Variants in POU6F2 observed in about 807,000 individuals in gnomAD.
The protein encoded by POU6F2 is POU class 6 homeobox 2, also known as POU domain, class 6, transcription factor 2.
Under a neutral mutation model 71.3 loss-of-function variants are expected in POU6F2, and 31 were observed. The ratio of observed to expected loss-of-function variants is 0.43; its 90% CI spans 0.33 to 0.59. POU6F2 has a LOEUF of 0.59. Among genes scored for constraint, POU6F2 ranks in the 20% least tolerant of loss-of-function variants. The pLI is 0.04. For synonymous variants in POU6F2, 347 were observed against 355.7 expected (o/e 0.98, Z 0.27); for missense variants, 783 against 856.8 (o/e 0.91, Z 1.07).
At chr7:39,457,237 T>G (rs867637701) in intron 8 of POU6F2, among the ~76,000 whole-genome samples, 1 of 152,198 alleles carries the variant, frequency 6.6e-6, no homozygotes, top group South Asian at 2.1e-4. Flanking sequence ...TGTGCCAGTG[T>G]CTGGTGGCAA....
intron 4 of POU6F2, among the ~76,000 whole-genome samples, chr7:39,280,621 A>G (rs1023791287): frequency 6.6e-6 from 1 of 152,340 alleles, no homozygotes; most frequent in Non-Finnish European, 1.5e-5. Context: ...CTCATAGGTA[A>G]TTTAAGGGGG....
At position 39,158,557 on chromosome 7, in the gene POU6F2, GA is replaced by G. The variant is rs538195581; in HGVS notation, c.278-45676del. Among the ~76,000 whole-genome samples the G allele has an allele frequency of 8.5e-3, 1,290 of 152,296 alleles. 13 individuals carry two copies. The highest frequency in any genetic ancestry group is 0.015 in the Non-Finnish European group (1,041 of 68,020). On this transcript the variant is annotated intron_variant, in intron 2 of 9. Transcript: ENST00000518318. ...GTGGCATCACTCTCGGTCTGAGGCT[GA>G]AGGCCTGAGAACTGGGAAACAGCAT...
At chr7:39,306,615 T>C (rs1335412264) in intron 4 of POU6F2, among the ~76,000 whole-genome samples, 2 of 152,178 alleles carry the variant, frequency 1.3e-5, no homozygotes, top group Non-Finnish European at 2.9e-5. Context: ...ATTATTGCCT[T>C]CGAGTTTTTA....
intron 2 of POU6F2, among the ~76,000 whole-genome samples, chr7:39,154,689 C>T (rs1190298207): frequency 3.3e-5 from 5 of 152,062 alleles, no homozygotes; most frequent in African/African-American, 4.8e-5. Flanking sequence ...TGTATATAGG[C>T]TCTGTGGGTG....
At chr7:39,125,227 G>T (rs190638315) in intron 2 of POU6F2, among the ~76,000 whole-genome samples, 2 of 152,282 alleles carry the variant, frequency 1.3e-5, no homozygotes, top group East Asian at 3.9e-4. Context: ...TGAACTATGT[G>T]TTTGTGAGGT....
intron 4 of POU6F2, among the ~76,000 whole-genome samples, chr7:39,310,369 T>C (rs1196623310): frequency 6.6e-6 from 1 of 152,194 alleles, no homozygotes; most frequent in Non-Finnish European, 1.5e-5. Context: ...CTTATTGATT[T>C]ATACACAAAT....
intron 2 of POU6F2, among the ~76,000 whole-genome samples, chr7:39,120,141 G>T (rs1214239222): frequency 6.6e-6 from 1 of 152,162 alleles, no homozygotes; most frequent in African/African-American, 2.4e-5. Flanking sequence ...GATAAATTCA[G>T]TTCTATATTA....
At position 39,191,240 on chromosome 7, in the gene POU6F2, G is replaced by A. The variant is rs143927135; in HGVS notation, c.278-12995G>A. On this transcript the variant is annotated intron_variant, in intron 2 of 9. Transcript: ENST00000518318. The stretch of plus-strand genomic sequence containing the variant: ...TTAGCGGCATGTCATGGTTTAACTG[G>A]CAGCTTTGTTTCTTTCCTTGTGGAA... 1.5e-4 allele frequency among the ~76,000 whole-genome samples: 23 copies of A among 152,266 alleles called. No homozygotes were observed. The East Asian group carries it at 4.4e-3, about 29-fold the overall frequency.
intron 4 of POU6F2, among the ~76,000 whole-genome samples, chr7:39,225,461 C>A (rs1794444404): frequency 6.6e-6 from 1 of 152,168 alleles, no homozygotes; most frequent in Non-Finnish European, 1.5e-5. Flanking sequence ...CTGAAAAATT[C>A]TCAGTGTACT....
intron 5 of POU6F2, among the ~76,000 whole-genome samples, chr7:39,364,141 C>T (rs1786449434): frequency 6.6e-6 from 1 of 152,092 alleles, no homozygotes; most frequent in African/African-American, 2.4e-5. Context: ...TGGGGGTTTT[C>T]TCTAGAGAGC....
At chr7:39,132,105 G>A (rs908458472) in intron 2 of POU6F2, among the ~76,000 whole-genome samples, 5 of 151,972 alleles carry the variant, frequency 3.3e-5, no homozygotes, top group African/African-American at 1.2e-4. Context: ...CATATGAGAG[G>A]CATCTGTTTT....
In POU6F2 at chr7:39,464,292, T is replaced by C; in HGVS notation, c.1769T>C (p.Phe590Ser). ...LNPGLLYPAR[F>S]EKLDITPKSA... ...CCTGGCCTTTTGTATCCTGCCAGGTTTGAAAAGCTGGACATCACCCCTAAA... is the reference window on the plus strand; with the variant it reads ...CCTGGCCTTTTGTATCCTGCCAGGTCTGAAAAGCTGGACATCACCCCTAAA... Residue 590 changes from phenylalanine to serine, a missense_variant, in exon 10 of 10, where the codon TTT (phenylalanine) becomes TCT (serine). Physicochemically the swap from Phe to Ser is radical, Grantham distance 155 (BLOSUM62 -2). This residue lies in a region of POU6F2 where 211 missense variants were observed against 283.9 expected (regional missense o/e 0.74). Transcript: ENST00000518318. This position sits in a 1 kb window ranked among gnomAD's most constrained non-coding sequence, Gnocchi z 4.1. 6.2e-7 allele frequency: 1 copy of C among 1,613,980 alleles called. No individual in the cohort carries two copies. The highest frequency in any genetic ancestry group is 1.1e-5 in the South Asian group (1 of 91,076).
At chr7:39,026,680 G>C (rs956077732) in intron 1 of POU6F2, among the ~76,000 whole-genome samples, 1 of 151,984 alleles carries the variant, frequency 6.6e-6, no homozygotes, top group Non-Finnish European at 1.5e-5. Context: ...CAGCACACCA[G>C]CATGGCACAT....
intron 1 of POU6F2, among the ~76,000 whole-genome samples, chr7:39,015,999 G>T (rs1204648732): frequency 4.7e-4 from 13 of 27,396 alleles, no homozygotes; most frequent in African/African-American, 1.2e-3. Flanking sequence ...ATAATATATA[G>T]ATATATATTA....
At chr7:39,304,542 G>GA (rs1163225228) in intron 4 of POU6F2, among the ~76,000 whole-genome samples, 3 of 78,474 alleles carry the variant, frequency 3.8e-5, no homozygotes, top group African/African-American at 1.3e-4. Flanking sequence ...TTAAAGACAG[G>GA]AGAAAAAAAA....
At chr7:39,172,180 C>T (rs1209360682) in intron 2 of POU6F2, among the ~76,000 whole-genome samples, 2 of 152,092 alleles carry the variant, frequency 1.3e-5, no homozygotes, top group African/African-American at 4.8e-5. Context: ...CATTTGTGTT[C>T]ACATATTTAA....
At position 39,201,117 on chromosome 7, in the gene POU6F2, A is replaced by G. The variant is rs374909173; in HGVS notation, c.278-3118A>G. 3.3e-5 allele frequency among the ~76,000 whole-genome samples: 5 copies of G among 152,350 alleles called. No homozygotes were observed. In the East Asian group the frequency reaches 9.6e-4, roughly 29 times the overall value. On this transcript the variant is annotated intron_variant, in intron 2 of 9. Coordinates refer to ENST00000518318, the MANE Select transcript of POU6F2 (RefSeq NM_001370959.1). Reference sequence around the variant, plus strand: ...TATGGCAAGCATGCGCTGTTTCATGAAAGTTACATACATATTAGTTCATTT... The same window carrying G: ...TATGGCAAGCATGCGCTGTTTCATGGAAGTTACATACATATTAGTTCATTT...
At chr7:39,400,195 G>C (rs10269183) in intron 5 of POU6F2, among the ~76,000 whole-genome samples, 75,599 of 152,086 alleles carry the variant, frequency 0.5, 19,721 homozygotes, top group East Asian at 0.75. Flanking sequence ...TTAGCATAAA[G>C]TTGGGTGTGG....
intron 8 of POU6F2, among the ~76,000 whole-genome samples, chr7:39,457,844 A>G (rs150887073): frequency 6.6e-5 from 10 of 151,824 alleles, no homozygotes; most frequent in African/African-American, 2.4e-4. Flanking sequence ...AGACTGCCAA[A>G]CCCTTCTTCC....
Sources: gnomAD v4.1 joint callset for allele counts (sites outside exome capture counted in the v4.1 genomes callset) on GRCh38, gnomAD v4.1.1 for gene constraint, gnomAD v4.1.1 regional missense constraint, Gnocchi (gnomAD v3.1) non-coding constraint, MANE v1.5 for transcripts, NCBI Gene and HGNC (gene_info 2026-07-23, HGNC 2026-07-21) for gene names.